Variants in PNPLA8 observed in about 807,000 individuals in gnomAD.
PNPLA8 encodes patatin like domain 8, phospholipase A2, also known as calcium-independent phospholipase A2-gamma.
Under a neutral mutation model 76.9 loss-of-function variants are expected in PNPLA8, and 39 were observed. The ratio of observed to expected loss-of-function variants is 0.51; its 90% CI spans 0.39 to 0.66. PNPLA8 has a LOEUF of 0.66. Ranked by LOEUF, PNPLA8 falls within the 30% of genes least tolerant of loss-of-function variation. The pLI is 0.00. For synonymous variants in PNPLA8, 301 were observed against 307.9 expected (o/e 0.98, Z 0.24); for missense variants, 887 against 918.0 (o/e 0.97, Z 0.44).
chr7:108,476,965 G>C (rs574056085), intron 10 of PNPLA8, among the ~76,000 whole-genome samples: 1 of 152,296 alleles, frequency 6.6e-6, no homozygotes, highest in Admixed American at 6.5e-5. Context: ...GGAGAATGGT[G>C]GTTGCCAGAC....
In PNPLA8 at chr7:108,515,146, A is replaced by C; in HGVS notation, c.346T>G (p.Phe116Val). ...GAAATCATTTCATTTTGATTGCCAA[A>C]AACAGCCTTTGAAACAGAGTTCAAA... ...STLNSVSKAV[F>V]GNQNEMISRL... The change falls in exon 3 of 11, where the codon TTT (phenylalanine) becomes GTT (valine). Residue 116 changes from phenylalanine (F) to valine (V), a missense_variant. Transcript: ENST00000257694. 2.5e-6 allele frequency: 4 copies of C among 1,606,746 alleles called. No individual in the cohort carries two copies. Among genetic ancestry groups the C allele is most frequent in the Non-Finnish European group, 3.4e-6 (4 of 1,176,062 alleles).
intron 5 of PNPLA8, among the ~76,000 whole-genome samples, chr7:108,501,323 A>G (rs1050691727): frequency 6.6e-6 from 1 of 152,250 alleles, no homozygotes; most frequent in African/African-American, 2.4e-5. Flanking sequence ...CTGAGTAGGA[A>G]GCATGGATGG....
chr7:108,476,133 T>G (rs1859974115), intron 10 of PNPLA8, among the ~76,000 whole-genome samples: 1 of 151,966 alleles, frequency 6.6e-6, no homozygotes, highest in Non-Finnish European at 1.5e-5. Context: ...AAATTGTTGT[T>G]TTTGTGGGCC....
chr7:108,474,427 T>TA (rs1563926834), intron 10 of PNPLA8, among the ~76,000 whole-genome samples: 1 of 152,140 alleles, frequency 6.6e-6, no homozygotes, highest in Admixed American at 6.5e-5. Flanking sequence ...GCATGTAGAT[T>TA]AAAAAGGAAG....
intron 2 of PNPLA8, among the ~76,000 whole-genome samples, chr7:108,515,990 G>A (rs1041185624): frequency 1.3e-5 from 2 of 152,068 alleles, no homozygotes; most frequent in African/African-American, 4.8e-5. Context: ...CATTGCAAAC[G>A]ATTTATAGAA....
chr7:108,488,588 A>C lies in PNPLA8; in HGVS notation c.1684-635T>G, dbSNP rs190927929. ...ACTCTGTCTCAAAACAAACAAAAAA[A>C]ACTGCTTCAAGATAAGCACACTATT... On this transcript the variant is annotated intron_variant, in intron 8 of 10. Coordinates refer to ENST00000257694, the MANE Select transcript of PNPLA8 (RefSeq NM_001256007.3). Among the ~76,000 whole-genome samples, 671 of 152,300 alleles carry C rather than the reference A, an allele frequency of 4.4e-3. 8 individuals carry two copies. Among genetic ancestry groups the C allele is most frequent in the Non-Finnish European group, 3.1e-3 (213 of 68,026 alleles).
At chr7:108,486,898 A>T (rs1860778406) in intron 9 of PNPLA8, among the ~76,000 whole-genome samples, 1 of 152,108 alleles carries the variant, frequency 6.6e-6, no homozygotes, top group Admixed American at 6.5e-5. Context: ...GACTAGAGAA[A>T]AACGTCAAGA....
At chr7:108,495,973 G>T (rs1183615100) in intron 7 of PNPLA8, among the ~76,000 whole-genome samples, 1 of 152,202 alleles carries the variant, frequency 6.6e-6, no homozygotes, top group Non-Finnish European at 1.5e-5. Context: ...GATTGTGGAT[G>T]ATTTTATGCT....
At chr7:108,488,343 G>A (rs561424323) in intron 8 of PNPLA8, among the ~76,000 whole-genome samples, 7 of 152,356 alleles carry the variant, frequency 4.6e-5, no homozygotes, top group Middle Eastern at 3.4e-3. Context: ...ACTTTGGGAG[G>A]CCAAGGAGGG....
chr7:108,509,648 A>G (rs1433226223), intron 4 of PNPLA8, among the ~76,000 whole-genome samples: 1 of 151,306 alleles, frequency 6.6e-6, no homozygotes, highest in Non-Finnish European at 1.5e-5. Flanking sequence ...AACTAGAAAT[A>G]CCATTTGACC....
At position 108,502,588 on chromosome 7, in the gene PNPLA8, G is replaced by T. The variant is rs1324387591; in HGVS notation, c.1261C>A (p.Gln421Lys). The T allele has an allele frequency of 6.2e-7, 1 of 1,611,398 alleles. No homozygotes were observed. The highest frequency in any genetic ancestry group is 1.7e-5 in the Admixed American group (1 of 59,958). Reference protein sequence around the residue: ...RLRQIKDETLQAAVREILALI... With the variant: ...RLRQIKDETLKAAVREILALI... Reference sequence around the variant, plus strand: ...GCCAAAATTTCTCTAACTGCAGCCTGAAGAGTTTCATCCTTAATTTGTCTC... The same window carrying T: ...GCCAAAATTTCTCTAACTGCAGCCTTAAGAGTTTCATCCTTAATTTGTCTC... The change falls in exon 5 of 11, where the codon CAG (glutamine) becomes AAG (lysine). Residue 421 changes from glutamine (Q) to lysine (K), a missense_variant. Physicochemically the swap from Gln to Lys is moderately conservative, Grantham distance 53. Transcript: ENST00000257694.
chr7:108,478,373 G>T (rs1249437301), intron 10 of PNPLA8, among the ~76,000 whole-genome samples: 1 of 151,954 alleles, frequency 6.6e-6, no homozygotes, highest in Non-Finnish European at 1.5e-5. Flanking sequence ...TTGAGAAGCA[G>T]ACAGACATTA....
chr7:108,491,533 T>G, intron 7 of PNPLA8, 66 bp from the exon 8 acceptor site: 1 of 972,672 alleles, frequency 1.0e-6, no homozygotes, highest in Non-Finnish European at 1.7e-6. Flanking sequence ...CCAGGAAACA[T>G]ACAGTATGCA....
At chr7:108,496,866 A>T in intron 6 of PNPLA8, 111 bp from the exon 7 acceptor site, 1 of 789,188 alleles carries the variant, frequency 1.3e-6, no homozygotes, top group Non-Finnish European at 2.0e-6. Flanking sequence ...CTTTCTAGCT[A>T]TGTCACCTGG....
intron 5 of PNPLA8, among the ~76,000 whole-genome samples, chr7:108,501,891 G>A (rs1861976999): frequency 6.6e-6 from 1 of 151,952 alleles, no homozygotes; most frequent in Admixed American, 6.6e-5. Flanking sequence ...GAGAATAATG[G>A]TTGATAAGCT....
chr7:108,525,336 T>C (rs1053374546), intron 1 of PNPLA8, among the ~76,000 whole-genome samples: 5 of 152,208 alleles, frequency 3.3e-5, no homozygotes, highest in Non-Finnish European at 5.9e-5. Flanking sequence ...TGTTTTGGAA[T>C]TGAAAACAGT....
intron 1 of PNPLA8, among the ~76,000 whole-genome samples, chr7:108,523,638 A>C (rs1476334431): frequency 2.6e-5 from 4 of 152,210 alleles, no homozygotes. Flanking sequence ...GAAAAAATCC[A>C]CTGCGGTGAG....
chr7:108,522,833 A>T (rs888575841), intron 1 of PNPLA8, among the ~76,000 whole-genome samples: 2 of 152,240 alleles, frequency 1.3e-5, no homozygotes, highest in Non-Finnish European at 2.9e-5. Context: ...AAATAAGGGA[A>T]CTATTACAAG....
At chr7:108,499,738 C>G (rs1031468041) in intron 5 of PNPLA8, among the ~76,000 whole-genome samples, 2 of 152,214 alleles carry the variant, frequency 1.3e-5, no homozygotes, top group African/African-American at 4.8e-5. Context: ...TAACCTAAAC[C>G]TAACTTCATC....
Sources: allele counts gnomAD v4.1 joint callset (sites outside exome capture counted in the v4.1 genomes callset), GRCh38; gene constraint gnomAD v4.1.1; transcripts MANE v1.5; gene names NCBI Gene and HGNC (gene_info 2026-07-23, HGNC 2026-07-21).